The following GSE1 variants were observed in gnomAD, a reference collection of about 807,000 sequenced individuals.
GSE1 encodes the protein genetic suppressor element 1.
A neutral mutation model predicts 112.6 loss-of-function variants in GSE1; 32 were observed. The observed-to-expected ratio is 0.28, with a 90% CI of 0.21 to 0.38. The LOEUF is 0.38. Among genes scored for constraint, GSE1 ranks in the 10% least tolerant of loss-of-function variants. GSE1 has a pLI of 1.00. For synonymous variants in GSE1, 1,115 were observed against 735.6 expected, an observed-to-expected ratio of 1.52 and a Z score of -8.35; for missense variants, 2,348 against 1,699.2, an observed-to-expected ratio of 1.38 and a Z score of -6.71.
In GSE1 at chr16:85,666,316, G is replaced by A; in HGVS notation, c.3099G>A (p.Gln1033=). ...ATCAGTTCCACGAGTCAGTGCTGCAGTCCACCCAGAAGGCCCTGCAGAAGC... is the reference window on the plus strand; with the variant it reads ...ATCAGTTCCACGAGTCAGTGCTGCAATCCACCCAGAAGGCCCTGCAGAAGC... The part of the protein sequence containing the change: ...FAHQFHESVL[Q]STQKALQKHK... Residue 1033 remains glutamine, a synonymous_variant, in exon 13 of 16, where the codon CAG becomes CAA. Transcript: ENST00000253458. 6 of 1,613,886 alleles carry A rather than the reference G, an allele frequency of 3.7e-6. No individual in the cohort carries two copies. The highest frequency in any genetic ancestry group is 5.1e-6 in the Non-Finnish European group (6 of 1,180,036).
chr16:85,351,399 C>A (rs1019466072), intron 1 of GSE1, among the ~76,000 whole-genome samples: 6 of 152,152 alleles, frequency 3.9e-5, no homozygotes, highest in Non-Finnish European at 7.3e-5. Flanking sequence ...GAAGGCAGCA[C>A]AAAAGGCCAC....
Position 85,656,513 on chromosome 16 carries a change from G to T in GSE1, c.1160G>T (p.Arg387Leu), listed in dbSNP as rs762715287. Residue 387 changes from arginine (R) to leucine (L), a missense_variant, in exon 7 of 16, where the codon CGC (arginine) becomes CTC (leucine). Physicochemically the swap from Arg to Leu is moderately radical, Grantham distance 102. Transcript: ENST00000253458. ...REKERERELERQREQRAREKE... is the reference protein window; with the variant it reads ...REKERERELELQREQRAREKE... ...AAGGAGCGCGAGCGCGAGCTGGAGC[G>T]CCAGCGGGAGCAGCGGGCCCGGGAG... 3.2e-6 allele frequency: 5 copies of T among 1,549,078 alleles called. No individual in the cohort carries two copies. The East Asian group carries it at 9.8e-5, about 30-fold the overall frequency.
At chr16:85,587,739 A>C (rs2046775127) in intron 1 of GSE1, among the ~76,000 whole-genome samples, 1 of 150,850 alleles carries the variant, frequency 6.6e-6, no homozygotes, top group Non-Finnish European at 1.5e-5. Flanking sequence ...GAGGGCTGGG[A>C]TACTTAGTCT....
intron 2 of GSE1, among the ~76,000 whole-genome samples, chr16:85,451,998 C>G (rs1042658069): frequency 6.6e-6 from 1 of 152,050 alleles, no homozygotes; most frequent in African/African-American, 2.4e-5. Flanking sequence ...TCCAGGGAGA[C>G]TGGGTCCATG....
chr16:85,519,971 C>CA (rs1427025509), intron 2 of GSE1, among the ~76,000 whole-genome samples: 1 of 152,118 alleles, frequency 6.6e-6, no homozygotes, highest in African/African-American at 2.4e-5. Context: ...CCTTATGACC[C>CA]ACGGTGCTTT....
At chr16:85,328,171 G>C (rs1165242476) in intron 1 of GSE1, among the ~76,000 whole-genome samples, 1 of 152,244 alleles carries the variant, frequency 6.6e-6, no homozygotes, top group South Asian at 2.1e-4. Context: ...GGCCAGGGCA[G>C]AACATACGAC....
chr16:85,654,541 G>T (rs892732068), intron 4 of GSE1, 91 bp downstream of exon 4: 17 of 1,148,802 alleles, frequency 1.5e-5, no homozygotes, highest in African/African-American at 7.7e-5. Flanking sequence ...GGTCTGCACA[G>T]ATGAGGCTGT....
At position 85,206,991 on chromosome 16, in the gene GSE1, C is replaced by T. The variant is rs532835425; in HGVS notation, c.2283+35184C>T. On this transcript the variant is annotated intron_variant, in intron 1 of 2. Transcript: ENST00000637419. ...GCGGCAGTTCTTGGCTCCAGCGGTC[C>T]GGCGGGCTGGCCTCGCAGTGACATG... Among the ~76,000 whole-genome samples the T allele has an allele frequency of 2.2e-4, 34 of 152,314 alleles. No homozygotes were observed. In the Middle Eastern group the frequency reaches 0.01, roughly 46 times the overall value.
intron 1 of GSE1, among the ~76,000 whole-genome samples, chr16:85,581,002 C>A (rs1049615375): frequency 6.6e-6 from 1 of 152,206 alleles, no homozygotes; most frequent in Non-Finnish European, 1.5e-5. Flanking sequence ...TTGCTGAGGC[C>A]CTGGAGGTGA....
At chr16:85,426,916 A>G (rs776092382) in intron 2 of GSE1, among the ~76,000 whole-genome samples, 5 of 152,216 alleles carry the variant, frequency 3.3e-5, no homozygotes, top group Non-Finnish European at 7.3e-5. Context: ...AGAACAGAAC[A>G]TGGACTGTGG....
intron 1 of GSE1, among the ~76,000 whole-genome samples, chr16:85,288,240 A>C (rs1052184279): frequency 2.6e-4 from 39 of 151,562 alleles, no homozygotes; most frequent in Middle Eastern, 3.4e-3. Context: ...AATCTGACCC[A>C]AAAAAAAAGA....
At chr16:85,629,545 C>A (rs1157964035) in intron 1 of GSE1, among the ~76,000 whole-genome samples, 2 of 152,252 alleles carry the variant, frequency 1.3e-5, no homozygotes, top group East Asian at 1.9e-4. Context: ...GCTGGCTTGT[C>A]ACATGGGCAC....
intron 2 of GSE1, among the ~76,000 whole-genome samples, chr16:85,446,866 G>A (rs969346760): frequency 7.2e-5 from 11 of 152,070 alleles, no homozygotes; most frequent in East Asian, 5.8e-4. Context: ...CCGCAACCCC[G>A]CTCCCGCTGT....
At chr16:85,364,415 G>C (rs969159543) in intron 2 of GSE1, among the ~76,000 whole-genome samples, 1 of 152,336 alleles carries the variant, frequency 6.6e-6, no homozygotes, top group Middle Eastern at 3.4e-3. Context: ...AAGGTGGCAC[G>C]TGCACAGGCT....
chr16:85,413,967 GCACCTTGCTTCTCTCT>G (rs2151722393), intron 2 of GSE1, among the ~76,000 whole-genome samples: 1 of 152,192 alleles, frequency 6.6e-6, no homozygotes, highest in East Asian at 1.9e-4. Context: ...TGTGAAGAGG[GCACCTTGCTTCTCTCT>G]CACCTTCCGC....
intron 1 of GSE1, among the ~76,000 whole-genome samples, chr16:85,195,463 G>A (rs1026968776): frequency 6.6e-6 from 1 of 152,204 alleles, no homozygotes; most frequent in African/African-American, 2.4e-5. Context: ...GAGGCCCAGA[G>A]AGGTTAAGTC....
chr16:85,635,897 C>T (rs2049955871), intron 2 of GSE1, among the ~76,000 whole-genome samples: 1 of 152,240 alleles, frequency 6.6e-6, no homozygotes, highest in Non-Finnish European at 1.5e-5. Context: ...CTCGCCTTCC[C>T]TCCCTGGGCC....
At position 85,661,255 on chromosome 16, in the gene GSE1, C is replaced by G. The variant is rs1238909191; in HGVS notation, c.1750C>G (p.Leu584Val). ...CCAGCTCCATGCTGCACCCACGGCC[C>G]TCTGGAACCCCGTGTCCCTGATGGA... ...KPQLHAAPTA[L>V]WNPVSLMDNT... The change falls in exon 9 of 16, where the codon CTC becomes GTC. Residue 584 changes from leucine (L) to valine (V), a missense_variant. By Grantham distance (32) the Leu-to-Val change is conservative. Transcript: ENST00000253458. 6.2e-7 allele frequency: 1 copy of G among 1,612,958 alleles called. No homozygotes were observed. Among genetic ancestry groups the G allele is most frequent in the Non-Finnish European group, 8.5e-7 (1 of 1,179,984 alleles).
At chr16:85,598,904 C>T (rs144934149) in intron 1 of GSE1, among the ~76,000 whole-genome samples, 2 of 152,314 alleles carry the variant, frequency 1.3e-5, no homozygotes, top group African/African-American at 4.8e-5. Context: ...AGCCCACAGG[C>T]GGTGATTGGA....
Sources: gnomAD v4.1 joint callset for allele counts (sites outside exome capture counted in the v4.1 genomes callset) on GRCh38, gnomAD v4.1.1 for gene constraint, MANE v1.5 for transcripts, NCBI Gene and HGNC (gene_info 2026-07-23, HGNC 2026-07-21) for gene names.